The following HK1 variants were observed in gnomAD, a reference collection of about 807,000 sequenced individuals.
HK1 encodes the protein hexokinase 1, also known as hexokinase-1.
HK1 carries 28 observed loss-of-function variants against 91.6 expected under a neutral mutation model. The observed-to-expected ratio is 0.31, with a 90% CI of 0.23 to 0.42. The LOEUF is 0.42. Ranked by LOEUF, HK1 falls within the 10% of genes least tolerant of loss-of-function variation. HK1 has a pLI of 1.00. For missense variants in HK1, 770 were observed against 1,219.8 expected, an observed-to-expected ratio of 0.63 and a Z score of 5.49; for synonymous variants, 430 against 468.1, an observed-to-expected ratio of 0.92 and a Z score of 1.05.
At chr10:69,352,061 C>T (rs1316195055) in intron 2 of HK1, among the ~76,000 whole-genome samples, 3 of 151,174 alleles carry the variant, frequency 2.0e-5, no homozygotes, top group African/African-American at 4.9e-5. Flanking sequence ...GGCATGATCT[C>T]GGCTCACTAC....
At chr10:69,376,888 G>A (rs1030009452) in intron 7 of HK1, 46 bp from the exon 8 acceptor site, 17 of 1,610,142 alleles carry the variant, frequency 1.1e-5, no homozygotes, top group African/African-American at 6.7e-5. Context: ...CTCGTGTGTG[G>A]GGCGCAGAGG....
intron 14 of HK1, 30 bp downstream of exon 14, chr10:69,389,326 C>A: frequency 6.5e-7 from 1 of 1,528,726 alleles, no homozygotes; most frequent in Non-Finnish European, 9.0e-7. Flanking sequence ...TCTTTCCCTG[C>A]AGAAGGGAAG....
upstream of HK1, among the ~76,000 whole-genome samples, chr10:69,312,859 T>C (rs1249955950): frequency 6.6e-6 from 1 of 152,226 alleles, no homozygotes; most frequent in African/African-American, 2.4e-5. Flanking sequence ...TTCCAGTGTC[T>C]GTTGATCTTT....
chr10:69,275,263 G>A (rs888935098), intron 1 of HK1, among the ~76,000 whole-genome samples: 1 of 150,990 alleles, frequency 6.6e-6, no homozygotes, highest in Non-Finnish European at 1.5e-5. Context: ...GCTCACGCCT[G>A]TAATCTCAGT....
At chr10:69,395,151 C>A in intron 16 of HK1, 46 bp downstream of exon 16, 1 of 1,597,766 alleles carries the variant, frequency 6.3e-7, no homozygotes, top group Non-Finnish European at 8.6e-7. Context: ...CTTCAGAGGT[C>A]GCCTGGCTGG....
intron 2 of HK1, among the ~76,000 whole-genome samples, chr10:69,358,854 G>T (rs2132757096): frequency 7.1e-6 from 1 of 140,422 alleles, no homozygotes; most frequent in East Asian, 2.0e-4. Context: ...CAAGAGCGAA[G>T]CTCTGTCTCA....
intron 5 of HK1, among the ~76,000 whole-genome samples, chr10:69,308,789 A>C (rs1846223642): frequency 6.6e-6 from 1 of 152,166 alleles, no homozygotes; most frequent in Non-Finnish European, 1.5e-5. Context: ...ATTCTCATAA[A>C]AAGTGCACAA....
At chr10:69,298,632 G>C (rs1001911640) in intron 4 of HK1, among the ~76,000 whole-genome samples, 1 of 92,176 alleles carries the variant, frequency 1.1e-5, no homozygotes, top group Admixed American at 8.9e-5. Context: ...TCTCTTAAAA[G>C]GAAAAAAAAA....
intron 11 of HK1, 99 bp downstream of exon 11, chr10:69,384,580 A>G: frequency 6.6e-7 from 1 of 1,514,256 alleles, no homozygotes; most frequent in East Asian, 2.3e-5. Context: ...GCCCACATGG[A>G]TTTGTGTCCT....
At position 69,359,909 on chromosome 10, in the gene HK1, T is replaced by G. The variant is rs774526086; in HGVS notation, c.239T>G (p.Phe80Cys). Residue 80 changes from phenylalanine (F) to cysteine (C), a missense_variant, in exon 3 of 18, where the codon TTC becomes TGC. This residue lies in a region of HK1 where 449 missense variants were observed against 665.1 expected (regional missense o/e 0.68). Transcript: ENST00000359426. Reference sequence around the variant, plus strand: ...TCTCCCTAAACAGAAAAGGGAGATTTCATTGCCCTGGATCTTGGTGGGTCT... The same window carrying G: ...TCTCCCTAAACAGAAAAGGGAGATTGCATTGCCCTGGATCTTGGTGGGTCT... ...SIPDGSEKGD[F>C]IALDLGGSSF... 1 of 1,614,158 alleles carries G rather than the reference T, an allele frequency of 6.2e-7. No individual in the cohort carries two copies. The highest frequency in any genetic ancestry group is 1.3e-5 in the African/African-American group (1 of 75,044).
chr10:69,362,748 C>T (rs1849498380), intron 3 of HK1, among the ~76,000 whole-genome samples: 1 of 152,196 alleles, frequency 6.6e-6, no homozygotes, highest in Non-Finnish European at 1.5e-5. Flanking sequence ...GCAGGAGAGT[C>T]TGGAGCCTCC....
At chr10:69,362,576 C>T (rs771594095) in intron 3 of HK1, among the ~76,000 whole-genome samples, 19 of 152,076 alleles carry the variant, frequency 1.2e-4, no homozygotes, top group Non-Finnish European at 2.6e-4. Flanking sequence ...CCTGGATCAC[C>T]AGCACTCCAG....
chr10:69,299,246 C>A lies in HK1; in HGVS notation c.-66-1523C>A, dbSNP rs1003173295. On this transcript the variant is annotated intron_variant, in intron 4 of 21. Coordinates refer to the HK1 transcript ENST00000360289. ...GGAGTGCAGTGGTGCGATCTTGGCTCACTGCAGCCTCCACCCCGTGGGCTC... is the reference window on the plus strand; with the variant it reads ...GGAGTGCAGTGGTGCGATCTTGGCTAACTGCAGCCTCCACCCCGTGGGCTC... Among the ~76,000 whole-genome samples the A allele has an allele frequency of 3.4e-5, 5 of 147,602 alleles. 1 individual carries two copies. Among genetic ancestry groups the A allele is most frequent in the African/African-American group, 9.8e-5 (4 of 40,938 alleles).
At chr10:69,396,885 A>G (rs914471834) in intron 16 of HK1, among the ~76,000 whole-genome samples, 2 of 152,036 alleles carry the variant, frequency 1.3e-5, no homozygotes, top group African/African-American at 4.8e-5. Flanking sequence ...GGGTTTCCCC[A>G]TGTTGATCAG....
At chr10:69,307,600 T>C (rs958491094) in intron 5 of HK1, among the ~76,000 whole-genome samples, 9 of 152,222 alleles carry the variant, frequency 5.9e-5, no homozygotes, top group African/African-American at 2.2e-4. Flanking sequence ...AGTTGCTGTG[T>C]GACCTTGAGA....
chr10:69,342,284 G>T (rs1311487552), intron 1 of HK1, among the ~76,000 whole-genome samples: 2 of 152,208 alleles, frequency 1.3e-5, no homozygotes, highest in Non-Finnish European at 1.5e-5. Context: ...TGTGTGCAAG[G>T]CTCCATGTGA....
chr10:69,401,381 G>A lies in HK1; in HGVS notation c.*246G>A. 1.7e-6 allele frequency: 1 copy of A among 586,284 alleles called. No individual in the cohort carries two copies. The highest frequency in any genetic ancestry group is 3.1e-6 in the Non-Finnish European group (1 of 327,302). 36.3% of individuals were successfully genotyped at this position (586,284 alleles called of 1,614,324 possible). On this transcript the variant is annotated 3_prime_UTR_variant, in exon 18 of 18. Transcript: ENST00000359426. The stretch of plus-strand genomic sequence containing the variant: ...CTTTGCATGGTTTGATTTTGACCTG[G>A]TCCCCCACGTGTGAAGTGTAGTGGC...
rs968177018 is a variant in HK1, at chr10:69,392,921, C to G, written c.2219+613C>G. Among the ~76,000 whole-genome samples the G allele has an allele frequency of 2.0e-5, 3 of 152,230 alleles. No homozygotes were observed. In the East Asian group the frequency reaches 5.8e-4, roughly 29 times the overall value. On this transcript the variant is annotated intron_variant, in intron 15 of 17. Coordinates refer to ENST00000359426, the MANE Select transcript of HK1 (RefSeq NM_000188.3). ...AGCCCCCTCAAGGTTTTTGCCTTTT[C>G]TAAATACCACCCATGCTGTTATTTA...
intron 2 of HK1, among the ~76,000 whole-genome samples, chr10:69,348,807 A>T (rs979093462): frequency 8.4e-6 from 1 of 119,278 alleles, no homozygotes; most frequent in Non-Finnish European, 1.7e-5. Flanking sequence ...CTCTGTCTCA[A>T]AAAAAAAAAA....
Sources: gnomAD v4.1 joint callset for allele counts (sites outside exome capture counted in the v4.1 genomes callset) on GRCh38, gnomAD v4.1.1 for gene constraint, gnomAD v4.1.1 regional missense constraint, MANE v1.5 for transcripts, NCBI Gene and HGNC (gene_info 2026-07-23, HGNC 2026-07-21) for gene names.